VPS13B: variants seen among roughly 807,000 people sequenced by gnomAD.
The protein encoded by VPS13B is vacuolar protein sorting 13 homolog B.
A neutral mutation model predicts 426.4 loss-of-function variants in VPS13B; 285 were observed. The ratio of observed to expected loss-of-function variants is 0.67; its 90% CI spans 0.61 to 0.74. The LOEUF is 0.74. Among genes scored for constraint, VPS13B ranks in the 30% least tolerant of loss-of-function variants. VPS13B has a pLI of 0.00. For missense variants in VPS13B, 4,537 were observed against 4,782.6 expected (o/e 0.95, Z 1.51); for synonymous variants, 1,676 against 1,676.4 (o/e 1.00, Z 0.01).
At chr8:99,778,147 G>A (rs774609018) in intron 41 of VPS13B, among the ~76,000 whole-genome samples, 114 of 150,890 alleles carry the variant, frequency 7.6e-4, no homozygotes, top group African/African-American at 2.6e-3. Flanking sequence ...CAGGAGAATC[G>A]CTTGAACCCA....
intron 22 of VPS13B, among the ~76,000 whole-genome samples, chr8:99,437,260 A>T (rs1817428705): frequency 6.6e-6 from 1 of 152,092 alleles, no homozygotes; most frequent in South Asian, 2.1e-4. Context: ...TTTTACTTAG[A>T]ATAGAAACAT....
At chr8:99,560,374 G>A (rs1824843338) in intron 31 of VPS13B, among the ~76,000 whole-genome samples, 2 of 151,980 alleles carry the variant, frequency 1.3e-5, no homozygotes, top group African/African-American at 4.8e-5. Flanking sequence ...CCTTCCCTGA[G>A]CCTGTCAGAA....
At chr8:99,220,078 G>A (rs1435027257) in intron 17 of VPS13B, among the ~76,000 whole-genome samples, 2 of 152,158 alleles carry the variant, frequency 1.3e-5, no homozygotes, top group East Asian at 3.8e-4. Context: ...TGACAAAAAA[G>A]TGTAAGAATT....
intron 21 of VPS13B, among the ~76,000 whole-genome samples, chr8:99,394,657 C>T (rs550286031): frequency 2.6e-5 from 4 of 152,122 alleles, no homozygotes; most frequent in African/African-American, 9.6e-5. Flanking sequence ...TGTTATAAAC[C>T]TTAATTTGGA....
intron 49 of VPS13B, 127 bp from the exon 50 acceptor site, chr8:99,821,167 C>G: frequency 1.9e-6 from 1 of 515,690 alleles, no homozygotes; most frequent in Non-Finnish European, 3.3e-6. Context: ...CACACACACA[C>G]CATGGAGGGA....
chr8:99,365,109 G>T (rs188872735), intron 19 of VPS13B, among the ~76,000 whole-genome samples: 231 of 148,702 alleles, frequency 1.6e-3, no homozygotes, highest in African/African-American at 5.2e-3. Context: ...AATTTCTGTG[G>T]TATTGGTTGT....
In VPS13B at chr8:99,631,735, C is replaced by CAT. The variant is rs1256037625; in HGVS notation, c.5221-10067_5221-10066dup. On this transcript the variant is annotated intron_variant, in intron 33 of 61. Transcript: ENST00000357162. ...TGTGTGGGTGTGTGTTTTATATATA[C>CAT]ATATATATATTTTATTGGCTGGCTT... Among the ~76,000 whole-genome samples the CAT allele has an allele frequency of 4.0e-5, 6 of 151,602 alleles. No homozygotes were observed. The South Asian group carries it at 1.3e-3, about 32-fold the overall frequency.
chr8:99,050,374 T>C (rs1563506515), intron 3 of VPS13B, among the ~76,000 whole-genome samples: 1 of 152,210 alleles, frequency 6.6e-6, no homozygotes, highest in Non-Finnish European at 1.5e-5. Context: ...TCATCCTTTT[T>C]TATGGGAGCA....
At position 99,143,177 on chromosome 8, in the gene VPS13B, G is replaced by C; in HGVS notation, c.1843+12G>C. The C allele has an allele frequency of 6.2e-7, 1 of 1,613,748 alleles. No individual in the cohort carries two copies. Among genetic ancestry groups the C allele is most frequent in the Non-Finnish European group, 8.5e-7 (1 of 1,179,836 alleles). ...CAGGCTAAAATCAGGTTTGTTTCTG[G>C]ATTAATTTTGAATCTTTTGCCATTT... On this transcript the variant is annotated intron_variant, in intron 13 of 61. Coordinates refer to ENST00000357162, the MANE Select transcript of VPS13B (RefSeq NM_152564.5).
At chr8:99,442,304 T>A in intron 22 of VPS13B, 97 bp from the exon 23 acceptor site, 1 of 1,017,610 alleles carries the variant, frequency 9.8e-7, no homozygotes. Flanking sequence ...ATATGGAACA[T>A]TTACTTTTTT....
chr8:99,588,571 T>G (rs139547734), intron 33 of VPS13B, among the ~76,000 whole-genome samples: 1,631 of 151,844 alleles, frequency 0.011, 29 homozygotes, highest in South Asian at 0.028. Flanking sequence ...TTTATTCTCT[T>G]TGTAGCAACT....
chr8:99,582,948 C>T (rs1339098316), intron 33 of VPS13B, among the ~76,000 whole-genome samples: 1 of 152,228 alleles, frequency 6.6e-6, no homozygotes, highest in Non-Finnish European at 1.5e-5. Flanking sequence ...AGCCACTGCG[C>T]CTGGCCACTC....
chr8:99,168,242 A>G (rs1487138334), intron 15 of VPS13B, among the ~76,000 whole-genome samples: 1 of 152,100 alleles, frequency 6.6e-6, no homozygotes, highest in African/African-American at 2.4e-5. Flanking sequence ...AGGCAACACA[A>G]AAGTATAATA....
intron 50 of VPS13B, 61 bp from the exon 51 acceptor site, chr8:99,823,771 C>G: frequency 1.3e-6 from 2 of 1,549,176 alleles, no homozygotes; most frequent in Non-Finnish European, 1.8e-6. Context: ...TAGGAATACT[C>G]AAGAGATTTT....
chr8:99,028,317 A>T (rs1842248927), intron 2 of VPS13B, among the ~76,000 whole-genome samples: 1 of 150,530 alleles, frequency 6.6e-6, no homozygotes, highest in Non-Finnish European at 1.5e-5. Flanking sequence ...CACCTCCCGG[A>T]CGGGGCGGCT....
intron 29 of VPS13B, 138 bp from the exon 30 acceptor site, chr8:99,520,761 T>C (rs1223040314): frequency 1.1e-5 from 7 of 653,062 alleles, no homozygotes; most frequent in Non-Finnish European, 1.8e-5. Flanking sequence ...TAAACATGAT[T>C]TTTTTTCATT....
At chr8:99,728,002 C>T (rs1363841844) in intron 39 of VPS13B, among the ~76,000 whole-genome samples, 1 of 152,214 alleles carries the variant, frequency 6.6e-6, no homozygotes, top group Non-Finnish European at 1.5e-5. Context: ...AATAGTTTGG[C>T]TCCCAGTGTA....
intron 52 of VPS13B, among the ~76,000 whole-genome samples, chr8:99,834,807 G>A (rs1324274778): frequency 1.3e-5 from 2 of 152,152 alleles, no homozygotes; most frequent in African/African-American, 4.8e-5. Context: ...CAATTCTCCT[G>A]CCTTGGCTCC....
intron 15 of VPS13B, among the ~76,000 whole-genome samples, chr8:99,162,160 T>A (rs895658192): frequency 4.6e-5 from 7 of 152,242 alleles, no homozygotes; most frequent in African/African-American, 9.6e-5. Context: ...AGTTTTTTTT[T>A]ATACGGCTAT....
Sources: allele counts gnomAD v4.1 joint callset (sites outside exome capture counted in the v4.1 genomes callset), GRCh38; gene constraint gnomAD v4.1.1; transcripts MANE v1.5; gene names NCBI Gene and HGNC (gene_info 2026-07-23, HGNC 2026-07-21).